The following DAB1 variants were observed in gnomAD, a reference collection of about 807,000 sequenced individuals.
The protein encoded by DAB1 is DAB adaptor protein 1.
A neutral mutation model predicts 64.6 loss-of-function variants in DAB1; 15 were observed. The ratio of observed to expected loss-of-function variants is 0.23; its 90% CI spans 0.16 to 0.36. The LOEUF is 0.36. Ranked by LOEUF, DAB1 falls within the 10% of genes least tolerant of loss-of-function variation. The probability of loss-of-function intolerance (pLI) is 1.00; values close to 1 mark genes in which losing one functional copy is unlikely to be tolerated. For missense variants in DAB1, 596 were observed against 706.7 expected, an observed-to-expected ratio of 0.84 and a Z score of 1.78; for synonymous variants, 235 against 251.9, an observed-to-expected ratio of 0.93 and a Z score of 0.64.
intron 1 of DAB1, among the ~76,000 whole-genome samples, chr1:57,329,274 T>A (rs1676443969): frequency 6.6e-6 from 1 of 152,142 alleles, no homozygotes; most frequent in Admixed American, 6.5e-5. Context: ...TCCAGCCTCA[T>A]CCTCCTTCCT....
chr1:57,638,103 A>T (rs781584380), intron 7 of DAB1, among the ~76,000 whole-genome samples: 2 of 152,236 alleles, frequency 1.3e-5, no homozygotes, highest in African/African-American at 2.4e-5. Flanking sequence ...GACTAGAAAA[A>T]ATAAATATAC....
intron 7 of DAB1, among the ~76,000 whole-genome samples, chr1:57,533,631 A>ACTAT (rs1156361822): frequency 5.9e-4 from 89 of 151,110 alleles, no homozygotes; most frequent in Non-Finnish European, 1.0e-3. Context: ...CTTCAAAAAA[A>ACTAT]CTATCTACCT....
intron 11 of DAB1, among the ~76,000 whole-genome samples, chr1:57,016,961 T>C (rs1361511849): frequency 6.6e-6 from 1 of 152,140 alleles, no homozygotes; most frequent in Non-Finnish European, 1.5e-5. Context: ...ATACAGGTTG[T>C]ATGAAGTAGG....
At chr1:57,382,767 C>T (rs554190109) in intron 1 of DAB1, among the ~76,000 whole-genome samples, 1 of 152,226 alleles carries the variant, frequency 6.6e-6, no homozygotes, top group Admixed American at 6.5e-5. Flanking sequence ...CCTTGATAAT[C>T]CAAGATCTTC....
chr1:57,810,753 G>A (rs548939480), intron 6 of DAB1, among the ~76,000 whole-genome samples: 6 of 152,192 alleles, frequency 3.9e-5, no homozygotes, highest in Non-Finnish European at 5.9e-5. Context: ...TCATACTGAA[G>A]TTGCCTGCTT....
At chr1:57,769,147 T>C (rs1486607631) in intron 6 of DAB1, among the ~76,000 whole-genome samples, 1 of 152,190 alleles carries the variant, frequency 6.6e-6, no homozygotes, top group Non-Finnish European at 1.5e-5. Context: ...CCGTGGGCTA[T>C]TAAGAAAATG....
At chr1:58,454,797 G>A (rs925280038) in intron 3 of DAB1, among the ~76,000 whole-genome samples, 4 of 152,108 alleles carry the variant, frequency 2.6e-5, no homozygotes, top group Non-Finnish European at 5.9e-5. Context: ...ACAGTAAAGC[G>A]CTTTTCTCCT....
chr1:57,400,568 T>A (rs1683162584), intron 1 of DAB1, among the ~76,000 whole-genome samples: 1 of 151,472 alleles, frequency 6.6e-6, no homozygotes, highest in African/African-American at 2.4e-5. Context: ...TTTTTTTTTT[T>A]AACAAGCCAG....
At chr1:57,492,456 G>A (rs1394434499) in intron 7 of DAB1, among the ~76,000 whole-genome samples, 5 of 152,178 alleles carry the variant, frequency 3.3e-5, no homozygotes, top group Admixed American at 2.0e-4. Flanking sequence ...GAAAATGCCT[G>A]TTCAATAAAA....
At chr1:57,899,981 T>G (rs1198014875) in intron 5 of DAB1, among the ~76,000 whole-genome samples, 1 of 151,698 alleles carries the variant, frequency 6.6e-6, no homozygotes, top group African/African-American at 2.4e-5. Context: ...ACTTTGCCAC[T>G]CAGGCTGGAG....
chr1:58,394,356 C>A (rs1644501382), intron 3 of DAB1, among the ~76,000 whole-genome samples: 1 of 152,096 alleles, frequency 6.6e-6, no homozygotes, highest in African/African-American at 2.4e-5. Context: ...AAATCCTAGT[C>A]CTGAGTATTT....
chr1:57,028,779 G>C (rs538547018), intron 9 of DAB1, among the ~76,000 whole-genome samples: 2 of 152,264 alleles, frequency 1.3e-5, no homozygotes, highest in African/African-American at 4.8e-5. Flanking sequence ...GAATTTGAGA[G>C]AGATAATTTA....
intron 2 of DAB1, among the ~76,000 whole-genome samples, chr1:57,265,297 G>A (rs982480602): frequency 9.2e-5 from 14 of 152,178 alleles, no homozygotes; most frequent in African/African-American, 2.7e-4. Flanking sequence ...CAGGATGTGC[G>A]TTCTTGTGTG....
At chr1:57,149,001 C>T (rs1038897027) in intron 2 of DAB1, among the ~76,000 whole-genome samples, 1 of 152,180 alleles carries the variant, frequency 6.6e-6, no homozygotes, top group African/African-American at 2.4e-5. Context: ...GCTGTCACTC[C>T]CTATCTTCCC....
chr1:58,242,830 G>A (rs1456452336), intron 4 of DAB1, among the ~76,000 whole-genome samples: 1 of 151,962 alleles, frequency 6.6e-6, no homozygotes, highest in Non-Finnish European at 1.5e-5. Context: ...TGAAGGTATG[G>A]AAGTAGAAAT....
chr1:57,007,414 C>T (rs562142776), intron 14 of DAB1, among the ~76,000 whole-genome samples: 61 of 152,308 alleles, frequency 4.0e-4, no homozygotes, highest in South Asian at 3.3e-3. Context: ...AAATTACCTG[C>T]CATTCCCATA....
At chr1:58,209,201 C>T (rs1333355941) in intron 4 of DAB1, among the ~76,000 whole-genome samples, 1 of 152,148 alleles carries the variant, frequency 6.6e-6, no homozygotes, top group African/African-American at 2.4e-5. Flanking sequence ...GGAAATGAGG[C>T]TACAGGGACA....
chr1:57,441,278 CTTTCTTTCTTTCTTTCTT>C (rs1685939494), intron 7 of DAB1, among the ~76,000 whole-genome samples: 1 of 26,956 alleles, frequency 3.7e-5, no homozygotes, highest in African/African-American at 9.2e-5. Flanking sequence ...CTTTCTCTTT[CTTTCTTTCTTTCTTTCTT>C]TCTTTCTTTC....
At chr1:57,854,395 T>C (rs1007430338) in intron 1 of DAB1, among the ~76,000 whole-genome samples, 22 of 152,172 alleles carry the variant, frequency 1.4e-4, no homozygotes, top group Admixed American at 3.3e-4. Flanking sequence ...AATGTCACCA[T>C]TGTGAGAGGA....
Sources: gnomAD v4.1 joint callset for allele counts (sites outside exome capture counted in the v4.1 genomes callset) on GRCh38, gnomAD v4.1.1 for gene constraint, MANE v1.5 for transcripts, NCBI Gene and HGNC (gene_info 2026-07-23, HGNC 2026-07-21) for gene names.